Variants in AHR observed in about 807,000 individuals in gnomAD.
AHR encodes aryl hydrocarbon receptor, also known as AH-receptor.
Under a neutral mutation model 86.8 loss-of-function variants are expected in AHR, and 40 were observed. The ratio of observed to expected loss-of-function variants is 0.46; its 90% CI spans 0.36 to 0.60. AHR has a LOEUF of 0.60. AHR is among the 20% of genes least tolerant of loss of function. The pLI, the probability that AHR is intolerant of heterozygous loss-of-function variation, is 0.00. For synonymous variants in AHR, 398 were observed against 354.9 expected (o/e 1.12, Z -1.37); for missense variants, 1,001 against 1,011.6 (o/e 0.99, Z 0.14).
intron 4 of AHR, among the ~76,000 whole-genome samples, chr7:17,329,224 T>C (rs950872311): frequency 1.4e-4 from 22 of 152,012 alleles, no homozygotes; most frequent in African/African-American, 4.6e-4. Flanking sequence ...AACTGTTTTT[T>C]AGTTGTTTAG....
Position 17,331,021 on chromosome 7 carries a change from A to G in AHR, c.705+135A>G, listed in dbSNP as rs1782282942. ...GCAACCCTCAGAACCAGAGAGCTTC[A>G]GAGAGCTCACTTAAAAACATGGGCT... On this transcript the variant is annotated intron_variant, in intron 6 of 10. Coordinates refer to ENST00000242057, the MANE Select transcript of AHR (RefSeq NM_001621.5). The G allele has an allele frequency of 6.6e-6, 6 of 911,116 alleles. No homozygotes were observed. In the Admixed American group the frequency reaches 1.1e-4, roughly 17 times the overall value. 56.4% of individuals were successfully genotyped at this position (911,116 alleles called of 1,614,324 possible). A position where few individuals can be genotyped will look rare whatever the true frequency, so the allele number is the denominator to read the frequency against.
At chr7:17,303,472 C>A (rs1781974180) in intron 1 of AHR, among the ~76,000 whole-genome samples, 1 of 152,044 alleles carries the variant, frequency 6.6e-6, no homozygotes, top group South Asian at 2.1e-4. Flanking sequence ...TTGTCATTTC[C>A]CATACATAAT....
At chr7:17,335,418 C>T (rs957032533) in intron 8 of AHR, among the ~76,000 whole-genome samples, 2 of 151,958 alleles carry the variant, frequency 1.3e-5, no homozygotes, top group Admixed American at 6.6e-5. Flanking sequence ...TCCTGTGTTA[C>T]TAGAATTGTT....
chr7:17,301,782 A>C lies in AHR; in HGVS notation c.65+2453A>C, dbSNP rs144244365. 3.3e-5 allele frequency among the ~76,000 whole-genome samples: 5 copies of C among 152,062 alleles called. No individual in the cohort carries two copies. The East Asian group carries it at 9.6e-4, about 29-fold the overall frequency. The stretch of plus-strand genomic sequence containing the variant: ...AGTATCTCCAACATAGTAGACTCTC[A>C]ATAAATATTTCCTTTCTTTTTGGAG... On this transcript the variant is annotated intron_variant, in intron 1 of 10. Coordinates refer to ENST00000242057, the MANE Select transcript of AHR (RefSeq NM_001621.5).
intron 1 of AHR, among the ~76,000 whole-genome samples, chr7:17,304,064 C>G (rs150657105): frequency 6.6e-6 from 1 of 152,152 alleles, no homozygotes; most frequent in African/African-American, 2.4e-5. Flanking sequence ...TTACATTTTT[C>G]AGTCATCTTT....
chr7:17,332,865 CCACT>C (rs1422800975), intron 6 of AHR, among the ~76,000 whole-genome samples: 3 of 151,934 alleles, frequency 2.0e-5, no homozygotes. Context: ...CATTCACTCA[CCACT>C]CACTCACTGA....
intron 10 of AHR, among the ~76,000 whole-genome samples, chr7:17,342,422 C>A (rs1782435993): frequency 6.6e-6 from 1 of 152,090 alleles, no homozygotes; most frequent in Admixed American, 6.5e-5. Context: ...GAAAATCATA[C>A]CTGTGGTGTA....
At chr7:17,336,678 T>C (rs1354521781) in intron 9 of AHR, among the ~76,000 whole-genome samples, 2 of 152,182 alleles carry the variant, frequency 1.3e-5, no homozygotes, top group Non-Finnish European at 2.9e-5. Flanking sequence ...ACATGATGAA[T>C]GTATGTATGT....
intron 3 of AHR, among the ~76,000 whole-genome samples, chr7:17,326,647 A>G (rs1372161775): frequency 2.6e-5 from 4 of 152,192 alleles, no homozygotes; most frequent in Non-Finnish European, 4.4e-5. Flanking sequence ...TCGTCATTAT[A>G]TCTACCTGAT....
In AHR at chr7:17,298,953, C is replaced by T. The variant is rs968732266; in HGVS notation, c.-312C>T. On this transcript the variant is annotated 5_prime_UTR_variant, in exon 1 of 11. Transcript: ENST00000242057. Reference sequence around the variant, plus strand: ...TCCTCCGCCCGGGCCGCCTCACCTGCGGGCATTGCCGCGCCGCCTCCGCCG... The same window carrying T: ...TCCTCCGCCCGGGCCGCCTCACCTGTGGGCATTGCCGCGCCGCCTCCGCCG... The T allele has an allele frequency of 1.6e-5, 7 of 440,666 alleles. No individual in the cohort carries two copies. The highest frequency in any genetic ancestry group is 3.5e-5 in the East Asian group (1 of 28,192). 27.3% of individuals were successfully genotyped at this position (440,666 alleles called of 1,614,324 possible). A position where few individuals can be genotyped will look rare whatever the true frequency, so the allele number is the denominator to read the frequency against.
In AHR at chr7:17,314,063, T is replaced by C. The variant is rs144138099; in HGVS notation, c.253+3940T>C. Among the ~76,000 whole-genome samples, 64 of 152,268 alleles carry C rather than the reference T, an allele frequency of 4.2e-4. No individual in the cohort carries two copies. In the East Asian group the frequency reaches 0.012, roughly 28 times the overall value. On this transcript the variant is annotated intron_variant, in intron 2 of 10. Transcript: ENST00000242057. ...TGCCCATTATTATGTAAATATTTTG[T>C]TCAAATTATTCTGTTTTTATACAGC...
At chr7:17,341,137 T>C (rs1782419368) in intron 10 of AHR, among the ~76,000 whole-genome samples, 1 of 152,196 alleles carries the variant, frequency 6.6e-6, no homozygotes, top group Non-Finnish European at 1.5e-5. Context: ...ATTAAGCTCC[T>C]TGACCCCTGT....
Position 17,299,199 on chromosome 7 carries a change from T to G in AHR, c.-66T>G. ...GCCGGCCGCCGCAGTGGTCCCAGCCTACACCGGGTTCCGGGGACCCGGCCG... is the reference window on the plus strand; with the variant it reads ...GCCGGCCGCCGCAGTGGTCCCAGCCGACACCGGGTTCCGGGGACCCGGCCG... On this transcript the variant is annotated 5_prime_UTR_variant, in exon 1 of 11. Transcript: ENST00000242057. 6.4e-7 allele frequency: 1 copy of G among 1,563,904 alleles called. No homozygotes were observed.
chr7:17,336,701 A>G (rs949362744), intron 9 of AHR, among the ~76,000 whole-genome samples: 2 of 152,182 alleles, frequency 1.3e-5, no homozygotes, highest in Admixed American at 1.3e-4. Context: ...ATAAGTACCC[A>G]TGGAAGTACA....
At chr7:17,340,941 G>A (rs1782417087) in intron 10 of AHR, among the ~76,000 whole-genome samples, 1 of 151,816 alleles carries the variant, frequency 6.6e-6, no homozygotes, top group South Asian at 2.1e-4. Flanking sequence ...GAATCCGTCT[G>A]GCAGTGAGCA....
chr7:17,308,454 A>G (rs1414216766), intron 1 of AHR, among the ~76,000 whole-genome samples: 14 of 152,202 alleles, frequency 9.2e-5, no homozygotes, highest in Non-Finnish European at 1.6e-4. Flanking sequence ...ATGGATATAA[A>G]TAAATACTTG....
rs757969348 is a variant in AHR, at chr7:17,339,481, C to T, written c.1656C>T (p.Asp552=). The part of the protein sequence containing the change: ...IMKNLGIDFE[D]IRHMQNEKFF... ...AAAACCTAGGCATTGATTTTGAAGA[C>T]ATCAGACACATGCAGAATGAAAAAT... is the stretch of plus-strand genomic sequence containing the variant. Residue 552 remains aspartate, a synonymous_variant, in exon 10 of 11, where the codon GAC becomes GAT. Transcript: ENST00000242057. 11 of 1,614,124 alleles carry T rather than the reference C, an allele frequency of 6.8e-6. No individual in the cohort carries two copies. The highest frequency in any genetic ancestry group is 9.3e-6 in the Non-Finnish European group (11 of 1,180,020).
chr7:17,301,108 A>G (rs1584027137), intron 1 of AHR, among the ~76,000 whole-genome samples: 2 of 151,984 alleles, frequency 1.3e-5, no homozygotes, highest in African/African-American at 4.8e-5. Flanking sequence ...TATTTTTTCC[A>G]TTCACCCACA....
At chr7:17,306,974 C>A (rs915586502) in intron 1 of AHR, among the ~76,000 whole-genome samples, 2 of 152,112 alleles carry the variant, frequency 1.3e-5, no homozygotes, top group Admixed American at 6.6e-5. Context: ...GGGTGTTAGG[C>A]AAACAAGTAT....
Sources: allele counts gnomAD v4.1 joint callset (sites outside exome capture counted in the v4.1 genomes callset), GRCh38; gene constraint gnomAD v4.1.1; transcripts MANE v1.5; gene names NCBI Gene and HGNC (gene_info 2026-07-23, HGNC 2026-07-21).